The following SCAPER variants were observed in gnomAD, a reference collection of about 807,000 sequenced individuals.
SCAPER encodes the protein S phase cyclin A-associated protein in the endoplasmic reticulum.
SCAPER carries 98 observed loss-of-function variants against 182.2 expected under a neutral mutation model. The observed-to-expected ratio is 0.54, with a 90% CI of 0.46 to 0.64. The LOEUF (loss-of-function observed/expected upper bound fraction) is 0.64. SCAPER is among the 30% of genes least tolerant of loss of function. The pLI is 0.00. For synonymous variants in SCAPER, 605 were observed against 564.6 expected, an observed-to-expected ratio of 1.07 and a Z score of -1.01; for missense variants, 1,432 against 1,690.0, an observed-to-expected ratio of 0.85 and a Z score of 2.68.
At chr15:76,485,458 C>T (rs554160061) in intron 24 of SCAPER, among the ~76,000 whole-genome samples, 4 of 152,220 alleles carry the variant, frequency 2.6e-5, no homozygotes, top group South Asian at 2.1e-4. Flanking sequence ...GGCCATATTG[C>T]CCAAAGCAAT....
chr15:76,741,538 G>A (rs1052585907), intron 15 of SCAPER, among the ~76,000 whole-genome samples: 3 of 152,034 alleles, frequency 2.0e-5, no homozygotes, highest in African/African-American at 7.2e-5. Context: ...ATATTTAGGA[G>A]GGAGATAAAA....
chr15:76,681,592 T>C (rs1039050185), intron 20 of SCAPER, among the ~76,000 whole-genome samples: 24 of 151,974 alleles, frequency 1.6e-4, no homozygotes, highest in Non-Finnish European at 3.2e-4. Context: ...GATGCTGGGA[T>C]GAAGAGGGAG....
chr15:76,757,066 GT>G (rs1314816980), intron 14 of SCAPER, among the ~76,000 whole-genome samples: 1 of 152,018 alleles, frequency 6.6e-6, no homozygotes, highest in African/African-American at 2.4e-5. Context: ...GAAAATAATG[GT>G]TTTCCTCTTC....
chr15:76,707,734 C>T (rs1172595165), intron 17 of SCAPER, among the ~76,000 whole-genome samples: 1 of 152,082 alleles, frequency 6.6e-6, no homozygotes, highest in Non-Finnish European at 1.5e-5. Context: ...GACCAGACAA[C>T]AATATCAATT....
In SCAPER at chr15:76,781,644, G is replaced by C. The variant is rs559314244; in HGVS notation, c.773-6527C>G. On this transcript the variant is annotated intron_variant, in intron 8 of 31. Transcript: ENST00000563290. Reference sequence around the variant, plus strand: ...GTGTTAAGGGCAGCCAGAGAGAAAGGTAGGGTTACCCACAAAGGGAAGCCC... The same window carrying C: ...GTGTTAAGGGCAGCCAGAGAGAAAGCTAGGGTTACCCACAAAGGGAAGCCC... 2.0e-5 allele frequency among the ~76,000 whole-genome samples: 3 copies of C among 152,276 alleles called. No homozygotes were observed. The East Asian group carries it at 5.8e-4, about 29-fold the overall frequency.
intron 10 of SCAPER, among the ~76,000 whole-genome samples, chr15:76,771,438 G>A (rs990852392): frequency 1.3e-5 from 2 of 152,076 alleles, no homozygotes; most frequent in African/African-American, 4.8e-5. Context: ...ATGTAGCATA[G>A]AAGACTTTAT....
intron 25 of SCAPER, among the ~76,000 whole-genome samples, chr15:76,449,979 T>C (rs1417766244): frequency 2.0e-5 from 3 of 152,234 alleles, no homozygotes; most frequent in African/African-American, 7.2e-5. Flanking sequence ...TTGCAGGTTA[T>C]ACAGTCTCCA....
intron 22 of SCAPER, among the ~76,000 whole-genome samples, chr15:76,611,314 A>G (rs1261212625): frequency 6.6e-6 from 1 of 152,152 alleles, no homozygotes; most frequent in African/African-American, 2.4e-5. Flanking sequence ...AGAAGAAAAC[A>G]TAAGAAAAAA....
chr15:76,796,771 G>A (rs2065358934), intron 7 of SCAPER, among the ~76,000 whole-genome samples: 2 of 152,116 alleles, frequency 1.3e-5, no homozygotes, highest in Non-Finnish European at 2.9e-5. Flanking sequence ...TTAAAATGGT[G>A]CTTGAATATA....
chr15:76,563,420 A>G (rs2046794901), intron 23 of SCAPER, among the ~76,000 whole-genome samples: 1 of 152,216 alleles, frequency 6.6e-6, no homozygotes, highest in Non-Finnish European at 1.5e-5. Context: ...TAGAAAATCT[A>G]GAAGTGGATA....
At chr15:76,361,113 A>T (rs2141728753) in intron 29 of SCAPER, among the ~76,000 whole-genome samples, 1 of 152,184 alleles carries the variant, frequency 6.6e-6, no homozygotes, top group East Asian at 1.9e-4. Flanking sequence ...GAGTTTGCAG[A>T]TTTCACATTT....
At chr15:76,668,206 T>A (rs1448017765) in intron 20 of SCAPER, among the ~76,000 whole-genome samples, 1 of 152,154 alleles carries the variant, frequency 6.6e-6, no homozygotes, top group Non-Finnish European at 1.5e-5. Context: ...CAACCACTTA[T>A]CCCTACCACC....
At chr15:76,563,652 C>G (rs560209465) in intron 23 of SCAPER, among the ~76,000 whole-genome samples, 3 of 152,282 alleles carry the variant, frequency 2.0e-5, no homozygotes, top group South Asian at 2.1e-4. Context: ...GGGACTCCCC[C>G]CCAGTTCATT....
intron 22 of SCAPER, among the ~76,000 whole-genome samples, chr15:76,594,925 G>A (rs1597578099): frequency 8.3e-6 from 1 of 120,580 alleles, no homozygotes; most frequent in South Asian, 2.6e-4. Context: ...TCAACTAACC[G>A]GCAAGACAAC....
At chr15:76,894,858 G>A (rs1019228837) in intron 1 of SCAPER, among the ~76,000 whole-genome samples, 3 of 152,022 alleles carry the variant, frequency 2.0e-5, no homozygotes, top group African/African-American at 7.2e-5. Context: ...AATCTGACCA[G>A]ATCAATAACA....
chr15:76,701,494 T>G (rs3816266), intron 20 of SCAPER, among the ~76,000 whole-genome samples: 58,064 of 152,030 alleles, frequency 0.38, 13,098 homozygotes, highest in Middle Eastern at 0.53. Flanking sequence ...TCCTGCATTA[T>G]TAAAATATCA....
chr15:76,409,499 A>G (rs1054157544), intron 26 of SCAPER, among the ~76,000 whole-genome samples: 1 of 150,378 alleles, frequency 6.6e-6, no homozygotes, highest in Non-Finnish European at 1.5e-5. Flanking sequence ...CATATACATT[A>G]TGTGTGTGTG....
chr15:76,662,943 G>A (rs1195661948), intron 21 of SCAPER, among the ~76,000 whole-genome samples: 3 of 151,686 alleles, frequency 2.0e-5, no homozygotes, highest in African/African-American at 4.8e-5. Flanking sequence ...AGACATAAAA[G>A]AAAAATACTG....
At chr15:76,856,976 T>C (rs1366451647) in intron 4 of SCAPER, among the ~76,000 whole-genome samples, 1 of 152,220 alleles carries the variant, frequency 6.6e-6, no homozygotes, top group Non-Finnish European at 1.5e-5. Context: ...AAAGTAGGCT[T>C]GTGTTGTCCA....
Sources: gnomAD v4.1 joint callset for allele counts (sites outside exome capture counted in the v4.1 genomes callset) on GRCh38, gnomAD v4.1.1 for gene constraint, MANE v1.5 for transcripts, NCBI Gene and HGNC (gene_info 2026-07-23, HGNC 2026-07-21) for gene names.